Variants in HIVEP1 observed in about 807,000 individuals in gnomAD.
HIVEP1 encodes HIVEP zinc finger 1.
A neutral mutation model predicts 180.0 loss-of-function variants in HIVEP1; 36 were observed. The ratio of observed to expected loss-of-function variants is 0.20; its 90% CI spans 0.15 to 0.26. HIVEP1 has a LOEUF of 0.26. Ranked by LOEUF, HIVEP1 falls within the 10% of genes least tolerant of loss-of-function variation. The pLI is 1.00. For synonymous variants in HIVEP1, 1,239 were observed against 1,239.0 expected, an observed-to-expected ratio of 1.00 and a Z score of 0.00; for missense variants, 3,143 against 3,268.7, an observed-to-expected ratio of 0.96 and a Z score of 0.94.
At chr6:12,102,847 C>G (rs2113403353) in intron 3 of HIVEP1, among the ~76,000 whole-genome samples, 1 of 152,016 alleles carries the variant, frequency 6.6e-6, no homozygotes, top group East Asian at 1.9e-4. Context: ...CACTTGTGAC[C>G]CAGTGTTGTT....
chr6:12,047,190 C>T (rs1423764192), intron 2 of HIVEP1, among the ~76,000 whole-genome samples: 3 of 152,080 alleles, frequency 2.0e-5, no homozygotes, highest in Non-Finnish European at 4.4e-5. Context: ...AAATACTATT[C>T]CAATACTTTT....
intron 7 of HIVEP1, among the ~76,000 whole-genome samples, chr6:12,138,912 C>G (rs538396178): frequency 6.6e-6 from 1 of 151,928 alleles, no homozygotes; most frequent in South Asian, 2.1e-4. Flanking sequence ...CGTGTTGCCT[C>G]TAATCTACCA....
the HIVEP1 span, among the ~76,000 whole-genome samples, chr6:12,173,868 A>G: frequency 4.1e-3 from 618 of 152,314 alleles, 11 homozygotes; most frequent in South Asian, 0.047. Context: ...TCAGTCATGG[A>G]AAGAAAAGCC....
At chr6:12,168,312 T>TTATATACATATATACATATATACA (rs1554161599), downstream of HIVEP1, among the ~76,000 whole-genome samples, 4 of 12,214 alleles carry the variant, frequency 3.3e-4, no homozygotes, top group South Asian at 2.0e-3. Context: ...TATACATATA[T>TTATATACATATATACATATATACA]TATATACATA....
At chr6:12,046,655 T>C (rs575194978) in intron 2 of HIVEP1, among the ~76,000 whole-genome samples, 1 of 152,074 alleles carries the variant, frequency 6.6e-6, no homozygotes, top group Non-Finnish European at 1.5e-5. Flanking sequence ...GGCGCGTGCC[T>C]GTAGTCCCAG....
intron 2 of HIVEP1, among the ~76,000 whole-genome samples, chr6:12,049,212 A>G (rs1770333079): frequency 6.6e-6 from 1 of 152,210 alleles, no homozygotes; most frequent in Non-Finnish European, 1.5e-5. Context: ...TTTGGTACAC[A>G]GAGGCTTGAG....
At chr6:12,156,063 C>T (rs181345679) in intron 7 of HIVEP1, among the ~76,000 whole-genome samples, 118 of 152,232 alleles carry the variant, frequency 7.8e-4, no homozygotes, top group African/African-American at 2.7e-3. Context: ...TGAGAAGTGC[C>T]TATTCATGTC....
At chr6:12,167,567 GCA>G (rs1562023367), downstream of HIVEP1, among the ~76,000 whole-genome samples, 7 of 2,726 alleles carry the variant, frequency 2.6e-3, no homozygotes, top group African/African-American at 0.013. Flanking sequence ...TATATTACAT[GCA>G]TGTTATATAT....
At chr6:12,017,529 G>C (rs1262771788) in intron 2 of HIVEP1, among the ~76,000 whole-genome samples, 1 of 151,744 alleles carries the variant, frequency 6.6e-6, no homozygotes, top group Admixed American at 6.5e-5. Context: ...GGGGACCCAA[G>C]CAGTTGCAAC....
At chr6:12,141,790 C>CCAT (rs1759053774) in intron 7 of HIVEP1, among the ~76,000 whole-genome samples, 1 of 148,476 alleles carries the variant, frequency 6.7e-6, no homozygotes, top group Non-Finnish European at 1.5e-5. Flanking sequence ...ACAAAGAAGG[C>CCAT]CATTACATAA....
chr6:12,144,875 T>C lies in HIVEP1; in HGVS notation c.6487+8983T>C, dbSNP rs189737736. On this transcript the variant is annotated intron_variant, in intron 7 of 8. Coordinates refer to ENST00000379388, the MANE Select transcript of HIVEP1 (RefSeq NM_002114.4). ...TCATTAAAAAGTTGGAAGCAACAGA[T>C]GATGGAGAGGATGTGGGGAAATCGG... Among the ~76,000 whole-genome samples the C allele has an allele frequency of 5.4e-4, 83 of 152,328 alleles. No individual in the cohort carries two copies. The East Asian group carries it at 0.01, about 19-fold the overall frequency.
intron 2 of HIVEP1, among the ~76,000 whole-genome samples, chr6:12,071,900 G>A (rs780583322): frequency 1.8e-4 from 27 of 152,016 alleles, no homozygotes; most frequent in Non-Finnish European, 3.2e-4. Context: ...TTAATTCATT[G>A]TTATTTTTGC....
intron 7 of HIVEP1, among the ~76,000 whole-genome samples, chr6:12,137,612 GT>G (rs67584103): frequency 6.7e-6 from 1 of 149,328 alleles, no homozygotes. Flanking sequence ...TGTGCTCAAA[GT>G]TTTTTTTTTT....
At chr6:12,090,735 C>T (rs568760849) in intron 3 of HIVEP1, among the ~76,000 whole-genome samples, 997 of 82,542 alleles carry the variant, frequency 0.012, 42 homozygotes, top group African/African-American at 0.044. Flanking sequence ...TATAGCCAGC[C>T]TTTTTTTTTT....
chr6:12,163,576 G>A lies in HIVEP1; in HGVS notation c.7272G>A (p.Val2424=). ...TTGTGCCCCTTCAGGCTGGACCAGT[G>A]CAGCTCACGATCCCTGCTGTCAGTG... is the stretch of plus-strand genomic sequence containing the variant. ...STFVPLQAGP[V]QLTIPAVSVV... Residue 2424 remains valine, a synonymous_variant, in exon 9 of 9, where the codon GTG becomes GTA. Coordinates refer to ENST00000379388, the MANE Select transcript of HIVEP1 (RefSeq NM_002114.4). 1 of 1,614,218 alleles carries A rather than the reference G, an allele frequency of 6.2e-7. No individual in the cohort carries two copies. Among genetic ancestry groups the A allele is most frequent in the Non-Finnish European group, 8.5e-7 (1 of 1,180,042 alleles).
intron 2 of HIVEP1, among the ~76,000 whole-genome samples, chr6:12,040,678 C>T (rs779365920): frequency 6.6e-6 from 1 of 152,090 alleles, no homozygotes. Context: ...TGTATTAGGC[C>T]GTTCTTACAT....
At chr6:12,148,574 T>C (rs964906808) in intron 7 of HIVEP1, among the ~76,000 whole-genome samples, 3 of 152,230 alleles carry the variant, frequency 2.0e-5, no homozygotes, top group African/African-American at 7.2e-5. Flanking sequence ...GGTCTTGATA[T>C]CATCTCTCAT....
At chr6:12,115,850 G>A (rs543089722) in intron 3 of HIVEP1, among the ~76,000 whole-genome samples, 17 of 151,838 alleles carry the variant, frequency 1.1e-4, no homozygotes, top group Non-Finnish European at 1.8e-4. Flanking sequence ...AGAGGCTCGC[G>A]GGGGGTGCTG....
chr6:12,103,278 CA>C (rs1355065522), intron 3 of HIVEP1, among the ~76,000 whole-genome samples: 2 of 152,032 alleles, frequency 1.3e-5, no homozygotes, highest in Non-Finnish European at 2.9e-5. Context: ...AAGCTGTCTA[CA>C]TGCATTATCT....
Sources: gnomAD v4.1 joint callset for allele counts (sites outside exome capture counted in the v4.1 genomes callset) on GRCh38, gnomAD v4.1.1 for gene constraint, MANE v1.5 for transcripts, NCBI Gene and HGNC (gene_info 2026-07-23, HGNC 2026-07-21) for gene names.